The following MAML2 variants were observed in gnomAD, a reference collection of about 807,000 sequenced individuals.
MAML2 encodes mastermind-like protein 2.
MAML2 carries 22 observed loss-of-function variants against 96.1 expected under a neutral mutation model. The observed-to-expected ratio is 0.23, with a 90% confidence interval of 0.16 to 0.33. The LOEUF (loss-of-function observed/expected upper bound fraction) is 0.33. Among genes scored for constraint, MAML2 ranks in the 10% least tolerant of loss-of-function variants. MAML2 has a pLI of 1.00. For synonymous variants in MAML2, 561 were observed against 521.3 expected (o/e 1.08, Z -1.04); for missense variants, 1,367 against 1,392.4 (o/e 0.98, Z 0.29).
At chr11:96,256,872 G>GA (rs1363677398) in intron 1 of MAML2, among the ~76,000 whole-genome samples, 4 of 152,020 alleles carry the variant, frequency 2.6e-5, no homozygotes, top group African/African-American at 9.7e-5. Context: ...AGAAAGAAAG[G>GA]AAAAAACCTA....
rs577282595 is a variant in MAML2, at chr11:96,243,961, C to A, written c.513+97422G>T. On this transcript the variant is annotated intron_variant, in intron 1 of 4. Coordinates refer to ENST00000524717, the MANE Select transcript of MAML2 (RefSeq NM_032427.4). Reference sequence around the variant, plus strand: ...CGGCCCAGTCATCCTTCTTTAACCACGACATAGGTACTCAGGTCCGCTGGC... The same window carrying A: ...CGGCCCAGTCATCCTTCTTTAACCAAGACATAGGTACTCAGGTCCGCTGGC... Among the ~76,000 whole-genome samples the A allele has an allele frequency of 2.0e-5, 3 of 152,304 alleles. No individual in the cohort carries two copies. In the East Asian group the frequency reaches 5.8e-4, roughly 29 times the overall value.
At position 96,306,090 on chromosome 11, in the gene MAML2, T is replaced by A. The variant is rs187095415; in HGVS notation, c.513+35293A>T. Among the ~76,000 whole-genome samples, 48 of 149,598 alleles carry A rather than the reference T, an allele frequency of 3.2e-4. No homozygotes were observed. In the East Asian group the frequency reaches 9.2e-3, roughly 29 times the overall value. On this transcript the variant is annotated intron_variant, in intron 1 of 4. Coordinates refer to ENST00000524717, the MANE Select transcript of MAML2 (RefSeq NM_032427.4). ...TATAATTATATACATAACATATACA[T>A]ATATAGTTTTCTACAAGTCTCTCAA...
At chr11:96,004,928 T>C (rs1315025239) in intron 2 of MAML2, among the ~76,000 whole-genome samples, 4 of 152,256 alleles carry the variant, frequency 2.6e-5, no homozygotes, top group African/African-American at 9.6e-5. Context: ...TGGGAGGTGA[T>C]CAAGTCATGA....
chr11:96,159,407 C>CTTGTTTTTTTTTTTTT (rs1861066357), intron 1 of MAML2, among the ~76,000 whole-genome samples: 1 of 91,120 alleles, frequency 1.1e-5, no homozygotes, highest in Non-Finnish European at 2.0e-5. Flanking sequence ...ACCACTGATT[C>CTTGTTTTTTTTTTTTT]TTTTTTTTTT....
At chr11:96,072,564 A>C (rs1253953038) in intron 2 of MAML2, among the ~76,000 whole-genome samples, 1 of 152,374 alleles carries the variant, frequency 6.6e-6, no homozygotes, top group East Asian at 1.9e-4. Flanking sequence ...CATAGTTTAC[A>C]TAAAGTAAGC....
chr11:96,259,398 T>G (rs1275229969), intron 1 of MAML2, among the ~76,000 whole-genome samples: 2 of 152,242 alleles, frequency 1.3e-5, no homozygotes, highest in East Asian at 3.8e-4. Context: ...TCTAATGTGC[T>G]TCGCTCCAAT....
At chr11:96,094,164 T>G (rs1023352393) in intron 1 of MAML2, among the ~76,000 whole-genome samples, 10 of 152,230 alleles carry the variant, frequency 6.6e-5, no homozygotes, top group African/African-American at 1.7e-4. Flanking sequence ...ACAAAAGTCA[T>G]GAGATGATCA....
At chr11:96,186,589 CAA>C (rs937694538) in intron 1 of MAML2, among the ~76,000 whole-genome samples, 1 of 149,552 alleles carries the variant, frequency 6.7e-6, no homozygotes, top group Admixed American at 6.7e-5. Context: ...GAATCCGTCT[CAA>C]AAAAAAATGT....
chr11:96,065,650 T>A (rs180690063), intron 2 of MAML2, among the ~76,000 whole-genome samples: 1 of 152,252 alleles, frequency 6.6e-6, no homozygotes, highest in Non-Finnish European at 1.5e-5. Flanking sequence ...AGTAACTGCT[T>A]GTCATAAGTG....
chr11:96,178,292 A>G (rs1861426545), intron 1 of MAML2, among the ~76,000 whole-genome samples: 1 of 152,152 alleles, frequency 6.6e-6, no homozygotes, highest in African/African-American at 2.4e-5. Flanking sequence ...TGATGAGGAC[A>G]TGGTTTCACA....
At chr11:96,151,104 G>C (rs931262868) in intron 1 of MAML2, among the ~76,000 whole-genome samples, 2 of 152,166 alleles carry the variant, frequency 1.3e-5, no homozygotes, top group African/African-American at 4.8e-5. Context: ...ACTGGTGCCT[G>C]CTGAATACAC....
chr11:96,153,039 G>A (rs1374939689), intron 1 of MAML2, among the ~76,000 whole-genome samples: 1 of 152,178 alleles, frequency 6.6e-6, no homozygotes, highest in Non-Finnish European at 1.5e-5. Flanking sequence ...CTCCCAGCAG[G>A]AGCCAGCCAG....
chr11:96,209,492 T>C (rs1445601643), intron 1 of MAML2, among the ~76,000 whole-genome samples: 1 of 151,942 alleles, frequency 6.6e-6, no homozygotes. Context: ...GAAGAATCGC[T>C]TGAACCTGGG....
intron 2 of MAML2, among the ~76,000 whole-genome samples, chr11:96,072,079 G>T (rs1859354593): frequency 6.6e-6 from 1 of 152,246 alleles, no homozygotes; most frequent in Admixed American, 6.5e-5. Flanking sequence ...AATTAGTTCA[G>T]CCTTGAAATA....
intron 2 of MAML2, among the ~76,000 whole-genome samples, chr11:96,064,265 T>C (rs1243901089): frequency 1.3e-5 from 2 of 152,306 alleles, no homozygotes; most frequent in East Asian, 3.9e-4. Flanking sequence ...ATCATCTGTG[T>C]TCCTGGGCAG....
Position 96,150,352 on chromosome 11 carries a change from C to G in MAML2, c.514-56835G>C, listed in dbSNP as rs1328674177. Among the ~76,000 whole-genome samples the G allele has an allele frequency of 2.0e-5, 3 of 152,270 alleles. No individual in the cohort carries two copies. The East Asian group carries it at 5.8e-4, about 29-fold the overall frequency. On this transcript the variant is annotated intron_variant, in intron 1 of 4. Transcript: ENST00000524717. Reference sequence around the variant, plus strand: ...GACCTTGCAAGATAAAGTGAGAGCACATAGGAAGGATACCTAACCCAGACT... The same window carrying G: ...GACCTTGCAAGATAAAGTGAGAGCAGATAGGAAGGATACCTAACCCAGACT...
At chr11:96,333,485 A>G (rs897270330) in intron 1 of MAML2, among the ~76,000 whole-genome samples, 2 of 152,244 alleles carry the variant, frequency 1.3e-5, no homozygotes, top group Non-Finnish European at 2.9e-5. Flanking sequence ...CTTCATAGAA[A>G]CACCATGCTT....
chr11:96,206,504 A>G (rs1478013946), intron 1 of MAML2, among the ~76,000 whole-genome samples: 2 of 152,208 alleles, frequency 1.3e-5, no homozygotes, highest in Admixed American at 1.3e-4. Flanking sequence ...AGCCTGAGGC[A>G]GGAGAATCGC....
rs184039035 is a variant in MAML2, at chr11:96,170,142, G to T, written c.514-76625C>A. ...TCCACTGGTTCAGGGCACATCATGTGCTACAGTGCACCTGCCCAGCATCGT... is the reference window on the plus strand; with the variant it reads ...TCCACTGGTTCAGGGCACATCATGTTCTACAGTGCACCTGCCCAGCATCGT... On this transcript the variant is annotated intron_variant, in intron 1 of 4. Transcript: ENST00000524717. 2.9e-3 allele frequency among the ~76,000 whole-genome samples: 449 copies of T among 152,296 alleles called. 9 individuals are homozygous for T. Among genetic ancestry groups the T allele is most frequent in the Admixed American group, 0.019 (290 of 15,304 alleles).
Sources: allele counts gnomAD v4.1 joint callset (sites outside exome capture counted in the v4.1 genomes callset), GRCh38; gene constraint gnomAD v4.1.1; transcripts MANE v1.5; gene names NCBI Gene and HGNC (gene_info 2026-07-23, HGNC 2026-07-21).